Variants in KAZN observed in about 807,000 individuals in gnomAD.
The protein encoded by KAZN is kazrin, periplakin interacting protein.
Under a neutral mutation model 87.4 loss-of-function variants are expected in KAZN, and 40 were observed. The observed-to-expected ratio is 0.46, with a 90% CI of 0.36 to 0.60. The LOEUF (loss-of-function observed/expected upper bound fraction) is 0.60. Ranked by LOEUF, KAZN falls within the 20% of genes least tolerant of loss-of-function variation. The pLI, the probability that KAZN is intolerant of heterozygous loss-of-function variation, is 0.00. For synonymous variants in KAZN, 466 were observed against 458.3 expected (o/e 1.02, Z -0.22); for missense variants, 898 against 1,073.9 (o/e 0.84, Z 2.29).
intron 2 of KAZN, among the ~76,000 whole-genome samples, chr1:14,981,860 A>G (rs772512998): frequency 6.6e-6 from 1 of 152,204 alleles, no homozygotes; most frequent in African/African-American, 2.4e-5. Context: ...CCTTTTCAAC[A>G]TACCCTGAGT....
chr1:14,999,165 G>A (rs2102001285), intron 2 of KAZN, among the ~76,000 whole-genome samples: 2 of 152,338 alleles, frequency 1.3e-5, no homozygotes, highest in South Asian at 4.1e-4. Context: ...CAGCCTGGGT[G>A]ACAGATGGAG....
At chr1:14,653,537 T>A (rs1163961024) in intron 1 of KAZN, among the ~76,000 whole-genome samples, 1 of 152,174 alleles carries the variant, frequency 6.6e-6, no homozygotes, top group African/African-American at 2.4e-5. Context: ...CCGGACTTTG[T>A]AGGAAATCTC....
chr1:14,775,104 T>G (rs4661527), intron 1 of KAZN, among the ~76,000 whole-genome samples: 21,356 of 152,082 alleles, frequency 0.14, 1,611 homozygotes, highest in African/African-American at 0.2. Flanking sequence ...CAATAGACAG[T>G]GCTTGGTGCA....
chr1:14,532,772 C>A (rs1008526618), intron 2 of KAZN, among the ~76,000 whole-genome samples: 3 of 151,840 alleles, frequency 2.0e-5, no homozygotes, highest in African/African-American at 7.3e-5. Flanking sequence ...TTTCCAGTTT[C>A]ATCCATGTCC....
At chr1:14,767,000 G>T (rs1644901748) in intron 1 of KAZN, among the ~76,000 whole-genome samples, 1 of 152,084 alleles carries the variant, frequency 6.6e-6, no homozygotes, top group South Asian at 2.1e-4. Context: ...GGACGAGATG[G>T]ATGTCAGAGA....
chr1:14,505,805 C>A (rs1449073211), intron 2 of KAZN, among the ~76,000 whole-genome samples: 1 of 152,044 alleles, frequency 6.6e-6, no homozygotes, highest in East Asian at 1.9e-4. Context: ...GAAACCCTGT[C>A]TCTACTAAAA....
rs577096514 is a variant in KAZN, at chr1:14,398,761, G to A, written c.250-200222G>A. Among the ~76,000 whole-genome samples the A allele has an allele frequency of 6.6e-5, 10 of 152,318 alleles. No homozygotes were observed. In the South Asian group the frequency reaches 2.1e-3, roughly 32 times the overall value. Reference sequence around the variant, plus strand: ...TGCTTTTCTCCTACACGGAACTGATGGGAGAGAGAATGGCTATCAACAACC... The same window carrying A: ...TGCTTTTCTCCTACACGGAACTGATAGGAGAGAGAATGGCTATCAACAACC... On this transcript the variant is annotated intron_variant, in intron 2 of 16. Coordinates refer to the KAZN transcript ENST00000636203.
At chr1:13,993,176 C>A (rs1474867757) in intron 1 of KAZN, among the ~76,000 whole-genome samples, 3 of 152,148 alleles carry the variant, frequency 2.0e-5, no homozygotes, top group East Asian at 1.9e-4. Context: ...AGGAAATAAT[C>A]CCAGAAAGAG....
At chr1:14,328,683 A>G (rs1017287585) in intron 2 of KAZN, among the ~76,000 whole-genome samples, 11 of 150,766 alleles carry the variant, frequency 7.3e-5, no homozygotes, top group African/African-American at 2.7e-4. Context: ...AGCCTGGGCA[A>G]CAGAGCAAGA....
chr1:14,388,150 GCAATGCCTCGC>G (rs1662105376), intron 2 of KAZN, among the ~76,000 whole-genome samples: 1 of 152,210 alleles, frequency 6.6e-6, no homozygotes, highest in South Asian at 2.1e-4. Flanking sequence ...CCCGAGTGAG[GCAATGCCTCGC>G]CCTGCTTCGG....
At chr1:14,358,363 A>G (rs950882519) in intron 2 of KAZN, among the ~76,000 whole-genome samples, 1 of 151,132 alleles carries the variant, frequency 6.6e-6, no homozygotes, top group African/African-American at 2.4e-5. Flanking sequence ...ATCTTTTAAA[A>G]AAAAAAACCA....
At chr1:14,018,603 G>T (rs1640678426) in intron 1 of KAZN, among the ~76,000 whole-genome samples, 1 of 152,138 alleles carries the variant, frequency 6.6e-6, no homozygotes. Flanking sequence ...CATGTGAGTT[G>T]GTGGACTGGG....
intron 2 of KAZN, among the ~76,000 whole-genome samples, chr1:14,540,726 A>C (rs1672758364): frequency 1.3e-5 from 2 of 152,210 alleles, no homozygotes; most frequent in Admixed American, 1.3e-4. Flanking sequence ...GGATGGGGAA[A>C]ATATTAAAAC....
At chr1:14,906,663 A>G (rs1366109296) in intron 1 of KAZN, among the ~76,000 whole-genome samples, 1 of 151,710 alleles carries the variant, frequency 6.6e-6, no homozygotes, top group African/African-American at 2.4e-5. Context: ...GAAATAAGCA[A>G]GTTAGTTTCA....
chr1:14,505,866 C>T (rs763296117), intron 2 of KAZN, among the ~76,000 whole-genome samples: 8 of 151,750 alleles, frequency 5.3e-5, no homozygotes, highest in Non-Finnish European at 1.0e-4. Flanking sequence ...CCCAGCTACT[C>T]GGGAGGATGA....
intron 1 of KAZN, among the ~76,000 whole-genome samples, chr1:14,928,617 G>A (rs1446946022): frequency 6.6e-6 from 1 of 152,172 alleles, no homozygotes; most frequent in Non-Finnish European, 1.5e-5. Flanking sequence ...TGGGAGGTCT[G>A]CTCTCTGTGA....
intron 2 of KAZN, among the ~76,000 whole-genome samples, chr1:14,993,186 G>A (rs1447199680): frequency 1.3e-5 from 2 of 150,660 alleles, no homozygotes; most frequent in Non-Finnish European, 3.0e-5. Context: ...AAAAAAATCA[G>A]GCCAGGCGCG....
chr1:15,094,756 G>C lies in KAZN; in HGVS notation c.1429-59G>C. On this transcript the variant is annotated intron_variant, in intron 9 of 14. Transcript: ENST00000376030. This position sits in a 1 kb window ranked among gnomAD's most constrained non-coding sequence, Gnocchi z 4.5. ...CCCCATGTCAACAGACCCCCTCTAG[G>C]GCAGGAACCCCGCCGGCAGCTGTCC... 1 of 1,333,060 alleles carries C rather than the reference G, an allele frequency of 7.5e-7. No homozygotes were observed. Among genetic ancestry groups the C allele is most frequent in the South Asian group, 1.3e-5 (1 of 78,048 alleles). The allele number at this position is 1,333,060 out of a possible 1,614,324, so 82.6% of individuals were successfully genotyped here.
At chr1:14,882,211 C>T (rs1200430594) in intron 1 of KAZN, among the ~76,000 whole-genome samples, 1 of 152,210 alleles carries the variant, frequency 6.6e-6, no homozygotes, top group African/African-American at 2.4e-5. Flanking sequence ...CATGCAAATT[C>T]AGGGTTGTTA....
Sources: allele counts gnomAD v4.1 joint callset (sites outside exome capture counted in the v4.1 genomes callset), GRCh38; gene constraint gnomAD v4.1.1; non-coding constraint Gnocchi (gnomAD v3.1); transcripts MANE v1.5; gene names NCBI Gene and HGNC (gene_info 2026-07-23, HGNC 2026-07-21).